Variants in TNS1 observed in about 807,000 individuals in gnomAD.
TNS1 encodes the protein tensin-1.
Under a neutral mutation model 168.6 loss-of-function variants are expected in TNS1, and 62 were observed. The ratio of observed to expected loss-of-function variants is 0.37; its 90% confidence interval spans 0.30 to 0.45. The LOEUF is 0.45. Among genes scored for constraint, TNS1 ranks in the 20% least tolerant of loss-of-function variants. TNS1 has a pLI of 1.00. For synonymous variants in TNS1, 934 were observed against 933.2 expected (o/e 1.00, Z -0.02); for missense variants, 2,240 against 2,339.4 (o/e 0.96, Z 0.88).
At chr2:217,854,317 G>A (rs1318503120) in intron 18 of TNS1, among the ~76,000 whole-genome samples, 1 of 152,200 alleles carries the variant, frequency 6.6e-6, no homozygotes, top group Non-Finnish European at 1.5e-5. Context: ...TTGACTGCAA[G>A]AAAGGAGTCA....
intron 18 of TNS1, among the ~76,000 whole-genome samples, chr2:217,853,708 G>C (rs193139028): frequency 1.4e-4 from 21 of 152,132 alleles, no homozygotes; most frequent in Non-Finnish European, 2.4e-4. Context: ...CTCCACCCTC[G>C]ATGCTGAGCT....
chr2:217,866,746 G>A (rs2125570626), intron 18 of TNS1, among the ~76,000 whole-genome samples: 1 of 152,266 alleles, frequency 6.6e-6, no homozygotes, highest in South Asian at 2.1e-4. Flanking sequence ...GGCTGGGGCT[G>A]GCCAGTTCAG....
At chr2:217,945,346 G>A (rs2125957227) in intron 3 of TNS1, among the ~76,000 whole-genome samples, 1 of 152,338 alleles carries the variant, frequency 6.6e-6, no homozygotes. Context: ...CCTGAGAGGG[G>A]ATATGATTTT....
intron 1 of TNS1, among the ~76,000 whole-genome samples, chr2:218,025,214 C>G (rs1439739949): frequency 6.6e-6 from 1 of 152,196 alleles, no homozygotes; most frequent in African/African-American, 2.4e-5. Flanking sequence ...CTGCAGGAAG[C>G]AGAAATGACG....
At chr2:217,999,536 T>G (rs1188423738) in intron 1 of TNS1, among the ~76,000 whole-genome samples, 1 of 152,236 alleles carries the variant, frequency 6.6e-6, no homozygotes, top group Non-Finnish European at 1.5e-5. Context: ...TTCCCAATTT[T>G]GTGCCTCACA....
chr2:217,909,955 G>A (rs1167820317), intron 4 of TNS1, among the ~76,000 whole-genome samples: 1 of 152,188 alleles, frequency 6.6e-6, no homozygotes, highest in African/African-American at 2.4e-5. Flanking sequence ...TTAGAAGAGT[G>A]CAAGACACTA....
intron 18 of TNS1, chr2:217,850,569 A>G (rs13005083): frequency 0.12 from 121,041 of 978,614 alleles, 8,152 homozygotes; most frequent in East Asian, 0.33. Flanking sequence ...CAGCCCAGCC[A>G]CCAGCCCCGA....
intron 3 of TNS1, among the ~76,000 whole-genome samples, chr2:217,929,746 T>A (rs1956223111): frequency 6.9e-6 from 1 of 144,636 alleles, no homozygotes; most frequent in Admixed American, 7.1e-5. Context: ...GAGGCCCATG[T>A]GTCTGTCTTC....
At chr2:217,954,115 T>A (rs1957304955) in intron 3 of TNS1, among the ~76,000 whole-genome samples, 1 of 152,150 alleles carries the variant, frequency 6.6e-6, no homozygotes, top group African/African-American at 2.4e-5. Flanking sequence ...TCTCCTTGTC[T>A]CTCCAGCCTG....
chr2:217,990,608 C>A (rs572194871), intron 2 of TNS1, among the ~76,000 whole-genome samples: 2 of 152,338 alleles, frequency 1.3e-5, no homozygotes, highest in East Asian at 3.9e-4. Context: ...CCACATGCCA[C>A]CACATACTAA....
chr2:217,959,654 C>T lies in TNS1; in HGVS notation c.186+19111G>A, dbSNP rs112490285. On this transcript the variant is annotated intron_variant, in intron 3 of 32. Transcript: ENST00000682258. ...TAGCATGAAGACTGGTGTCTAATTGCTTAATAAATGATAACCACTATTATT... is the reference window on the plus strand; with the variant it reads ...TAGCATGAAGACTGGTGTCTAATTGTTTAATAAATGATAACCACTATTATT... Among the ~76,000 whole-genome samples, 234 of 152,312 alleles carry T rather than the reference C, an allele frequency of 1.5e-3. 1 individual carries two copies. The highest frequency in any genetic ancestry group is 5.3e-3 in the African/African-American group (222 of 41,572).
Position 217,808,125 on chromosome 2 carries a change from G to C in TNS1, c.5343-18C>G, listed in dbSNP as rs72945946. The stretch of plus-strand genomic sequence containing the variant: ...TCATCCACCTGTGGAGAGAAAGTGG[G>C]CTCAGGGTAAATCATCGTACTTTCT... On this transcript the variant is annotated intron_variant, in intron 31 of 32. Coordinates refer to ENST00000682258, the MANE Select transcript of TNS1 (RefSeq NM_001387777.1). 1 of 1,612,462 alleles carries C rather than the reference G, an allele frequency of 6.2e-7. No homozygotes were observed. The highest frequency in any genetic ancestry group is 2.2e-5 in the East Asian group (1 of 44,870).
intron 3 of TNS1, among the ~76,000 whole-genome samples, chr2:217,940,492 C>T (rs1326449288): frequency 3.9e-5 from 6 of 152,184 alleles, no homozygotes; most frequent in Admixed American, 3.9e-4. Context: ...TCAGGTCTCC[C>T]GATCCTTCCC....
At chr2:217,978,413 G>A (rs897784208) in intron 3 of TNS1, among the ~76,000 whole-genome samples, 2 of 152,038 alleles carry the variant, frequency 1.3e-5, no homozygotes, top group Non-Finnish European at 2.9e-5. Flanking sequence ...TAATTGAAAT[G>A]GATCCCCTCC....
intron 1 of TNS1, among the ~76,000 whole-genome samples, chr2:218,030,889 G>A (rs899501915): frequency 2.0e-5 from 3 of 152,164 alleles, no homozygotes; most frequent in Non-Finnish European, 2.9e-5. Context: ...GTGTGTAAGC[G>A]TGTGTGTATG....
chr2:218,020,272 GCCAGCCCCT>G lies in TNS1; in HGVS notation c.156+13539_156+13547del, dbSNP rs1958796147. 2.6e-5 allele frequency among the ~76,000 whole-genome samples: 4 copies of G among 152,022 alleles called. No individual in the cohort carries two copies. The South Asian group carries it at 8.3e-4, about 32-fold the overall frequency. ...CCACAGCACCCCACAGGCCCAATAC[GCCAGCCCCT>G]CCCCTGGATCTGCAGGCCTCTCTTC... On this transcript the variant is annotated intron_variant, in intron 1 of 1. Coordinates refer to the TNS1 transcript ENST00000649572.
intron 18 of TNS1, among the ~76,000 whole-genome samples, chr2:217,871,685 C>T (rs1392763501): frequency 6.6e-6 from 1 of 152,272 alleles, no homozygotes; most frequent in Non-Finnish European, 1.5e-5. Flanking sequence ...GACTCTGCTC[C>T]CCACTGCTGA....
At chr2:217,887,068 A>C (rs1951275667) in intron 12 of TNS1, among the ~76,000 whole-genome samples, 1 of 152,068 alleles carries the variant, frequency 6.6e-6, no homozygotes, top group Admixed American at 6.6e-5. Flanking sequence ...CCCCCACACA[A>C]AGCTCAAATC....
At position 217,848,219 on chromosome 2, in the gene TNS1, C is replaced by T. The variant is rs779474510; in HGVS notation, c.2298G>A (p.Glu766=). The T allele has an allele frequency of 3.8e-6, 6 of 1,585,254 alleles. No individual in the cohort carries two copies. The highest frequency in any genetic ancestry group is 2.2e-5 in the East Asian group (1 of 44,698). The part of the protein sequence containing the change: ...PAPVRGGSSR[E]AVQRGLNSWQ... Reference sequence around the variant, plus strand: ...ACGAATTCAGTCCCCTTTGCACAGCCTCCCGGCTGCTTCCCCCTCGGACCG... The same window carrying T: ...ACGAATTCAGTCCCCTTTGCACAGCTTCCCGGCTGCTTCCCCCTCGGACCG... Residue 766 remains glutamate (E), a synonymous_variant, in exon 19 of 33, where the codon GAG becomes GAA. Transcript: ENST00000682258.
Sources: allele counts gnomAD v4.1 joint callset (sites outside exome capture counted in the v4.1 genomes callset), GRCh38; gene constraint gnomAD v4.1.1; transcripts MANE v1.5; gene names NCBI Gene and HGNC (gene_info 2026-07-23, HGNC 2026-07-21).